Variants in MYBPC1 observed in about 807,000 individuals in gnomAD.
MYBPC1 encodes myosin binding protein C1.
MYBPC1 carries 52 observed loss-of-function variants against 147.1 expected under a neutral mutation model. The observed-to-expected ratio is 0.35, with a 90% CI of 0.28 to 0.45. The LOEUF is 0.45. Ranked by LOEUF, MYBPC1 falls within the 20% of genes least tolerant of loss-of-function variation. MYBPC1 has a pLI of 1.00. For missense variants in MYBPC1, 1,228 were observed against 1,440.3 expected, an observed-to-expected ratio of 0.85 and a Z score of 2.39; for synonymous variants, 477 against 475.9, an observed-to-expected ratio of 1.00 and a Z score of -0.03.
At chr12:101,687,342 C>G (rs973419794), downstream of MYBPC1, among the ~76,000 whole-genome samples, 1 of 152,006 alleles carries the variant, frequency 6.6e-6, no homozygotes, top group African/African-American at 2.4e-5. Context: ...TTTGTCCTTG[C>G]AATAGTTTGC....
chr12:101,692,012 G>A, the MYBPC1 span, among the ~76,000 whole-genome samples: 1,108 of 152,332 alleles, frequency 7.3e-3, 14 homozygotes, highest in African/African-American at 0.024. Flanking sequence ...GAATTTAAGT[G>A]TGGAATCTGA....
At chr12:101,666,625 G>A in intron 22 of MYBPC1, 2 of 1,021,306 alleles carry the variant, frequency 2.0e-6, no homozygotes, top group Non-Finnish European at 3.1e-6. Flanking sequence ...CTGCTCTGAG[G>A]ACAAATCTCT....
Position 101,627,812 on chromosome 12 carries a change from C to A in MYBPC1, c.178+8C>A. 6.2e-7 allele frequency: 1 copy of A among 1,613,372 alleles called. No individual in the cohort carries two copies. Among genetic ancestry groups the A allele is most frequent in the Non-Finnish European group, 8.5e-7 (1 of 1,179,384 alleles). ...TGGAGAGAAAAGATTCAGGTGAGCGCAAGCCCAGAGAAGGCATCCTGACCT... is the reference window on the plus strand; with the variant it reads ...TGGAGAGAAAAGATTCAGGTGAGCGAAAGCCCAGAGAAGGCATCCTGACCT... On this transcript the variant is annotated splice_region_variant and intron_variant, in intron 5 of 31. Transcript: ENST00000361466.
chr12:101,678,078 A>G (rs776334704), intron 27 of MYBPC1, 24 bp from the exon 28 acceptor site: 11 of 1,607,114 alleles, frequency 6.8e-6, no homozygotes, highest in African/African-American at 1.3e-5. Flanking sequence ...TAATTTTAAC[A>G]TATTTGTAAT....
At chr12:101,661,912 A>AG (rs1555247199) in intron 20 of MYBPC1, among the ~76,000 whole-genome samples, 34 of 48,276 alleles carry the variant, frequency 7.0e-4, no homozygotes, top group Middle Eastern at 9.8e-3. Context: ...AAAAAAAAAA[A>AG]AAAGAAAGAA....
intron 30 of MYBPC1, among the ~76,000 whole-genome samples, chr12:101,683,294 G>C (rs1951139818): frequency 6.6e-6 from 1 of 152,100 alleles, no homozygotes; most frequent in Non-Finnish European, 1.5e-5. Context: ...GCCAGGTGTG[G>C]TGGCACATGC....
intron 7 of MYBPC1, 47 bp downstream of exon 7, chr12:101,631,766 T>G (rs918496127): frequency 6.2e-7 from 1 of 1,611,492 alleles, no homozygotes; most frequent in African/African-American, 1.3e-5. Flanking sequence ...GCGCATTCCT[T>G]CTATGTGAAT....
intron 29 of MYBPC1, among the ~76,000 whole-genome samples, chr12:101,681,598 T>A (rs1159240032): frequency 5.9e-3 from 300 of 50,576 alleles, no homozygotes; most frequent in East Asian, 9.7e-3. Flanking sequence ...ATATATTTTT[T>A]TTTTTTTTTT....
intron 6 of MYBPC1, 104 bp from the exon 7 acceptor site, chr12:101,631,467 C>A: frequency 7.7e-7 from 1 of 1,301,144 alleles, no homozygotes; most frequent in Non-Finnish European, 1.1e-6. Context: ...GGGCACCAAT[C>A]ACACCATATT....
chr12:101,653,047 C>A, intron 17 of MYBPC1, 68 bp from the exon 18 acceptor site: 1 of 1,569,778 alleles, frequency 6.4e-7, no homozygotes, highest in South Asian at 1.1e-5. Flanking sequence ...TCATACTAGC[C>A]AAACATTAGT....
intron 12 of MYBPC1, among the ~76,000 whole-genome samples, chr12:101,645,820 T>G (rs1038803991): frequency 1.3e-5 from 2 of 152,230 alleles, no homozygotes; most frequent in Admixed American, 1.3e-4. Flanking sequence ...TCTTCTTGGC[T>G]TCTAGTTTTT....
At chr12:101,627,431 C>T (rs1267747177) in intron 4 of MYBPC1, among the ~76,000 whole-genome samples, 4 of 151,882 alleles carry the variant, frequency 2.6e-5, no homozygotes, top group African/African-American at 9.7e-5. Context: ...TTAGTAGAGA[C>T]GGAGTTTCAC....
At chr12:101,662,961 TC>T (rs1896824533) in intron 21 of MYBPC1, among the ~76,000 whole-genome samples, 1 of 152,226 alleles carries the variant, frequency 6.6e-6, no homozygotes, top group Admixed American at 6.5e-5. Context: ...GAAACTGGTT[TC>T]TTTGCTTTAT....
chr12:101,595,682 A>G (rs951474013), intron 1 of MYBPC1, among the ~76,000 whole-genome samples: 1 of 152,134 alleles, frequency 6.6e-6, no homozygotes, highest in Non-Finnish European at 1.5e-5. Flanking sequence ...AACACCTGAT[A>G]AAAAAGGATG....
rs758122772 is a variant in MYBPC1, at chr12:101,659,723, A to G, written c.1819A>G (p.Ser607Gly). 3 of 1,614,166 alleles carry G rather than the reference A, an allele frequency of 1.9e-6. No homozygotes were observed. ...RIRTESYPDS[S>G]TLVIDIAERD... The stretch of plus-strand genomic sequence containing the variant: ...AAGAACAGAATCTTACCCTGATAGC[A>G]GCACTCTGGTCATTGATATAGCTGA... The change falls in exon 19 of 32, where the codon AGC becomes GGC. Residue 607 changes from serine to glycine, a missense_variant. Transcript: ENST00000361466.
intron 1 of MYBPC1, among the ~76,000 whole-genome samples, chr12:101,603,974 A>T (rs1358178057): frequency 6.6e-6 from 1 of 152,206 alleles, no homozygotes; most frequent in African/African-American, 2.4e-5. Context: ...TCCCCAAAAA[A>T]GACACAGTAA....
intron 10 of MYBPC1, among the ~76,000 whole-genome samples, chr12:101,641,840 T>TA (rs1410056814): frequency 1.3e-5 from 2 of 151,914 alleles, no homozygotes; most frequent in Admixed American, 6.6e-5. Context: ...TTTTTTTTTT[T>TA]ATTTTAAGAA....
downstream of MYBPC1, among the ~76,000 whole-genome samples, chr12:101,690,806 G>C (rs867957864): frequency 6.6e-6 from 1 of 152,178 alleles, no homozygotes; most frequent in African/African-American, 2.4e-5. Flanking sequence ...AAAGGTTTTA[G>C]TCAATCTATT....
At chr12:101,616,607 C>T (rs926384350) in intron 2 of MYBPC1, among the ~76,000 whole-genome samples, 2 of 152,068 alleles carry the variant, frequency 1.3e-5, no homozygotes, top group African/African-American at 4.8e-5. Flanking sequence ...AATATGATCC[C>T]AAACACAGAG....
Sources: allele counts gnomAD v4.1 joint callset (sites outside exome capture counted in the v4.1 genomes callset), GRCh38; gene constraint gnomAD v4.1.1; transcripts MANE v1.5; gene names NCBI Gene and HGNC (gene_info 2026-07-23, HGNC 2026-07-21).